PTPRA: variants seen among roughly 807,000 people sequenced by gnomAD.
PTPRA encodes receptor-type tyrosine-protein phosphatase alpha.
Under a neutral mutation model 104.8 loss-of-function variants are expected in PTPRA, and 25 were observed. That is an observed-to-expected ratio of 0.24 (90% CI 0.17 to 0.33). The LOEUF (loss-of-function observed/expected upper bound fraction) is 0.33. Among genes scored for constraint, PTPRA ranks in the 10% least tolerant of loss-of-function variants. The pLI, the probability that PTPRA is intolerant of heterozygous loss-of-function variation, is 1.00. For synonymous variants in PTPRA, 323 were observed against 368.9 expected (o/e 0.88, Z 1.43); for missense variants, 765 against 1,015.3 (o/e 0.75, Z 3.35).
chr20:2,964,399 C>T (rs762937450), intron 4 of PTPRA, 49 bp downstream of exon 4: 1 of 1,449,280 alleles, frequency 6.9e-7, no homozygotes, highest in South Asian at 1.2e-5. Flanking sequence ...ATTTTGCTTT[C>T]ACATTTAATG....
intron 1 of PTPRA, among the ~76,000 whole-genome samples, chr20:2,919,747 A>C (rs1425683070): frequency 6.6e-6 from 1 of 152,064 alleles, no homozygotes; most frequent in Admixed American, 6.6e-5. Flanking sequence ...TCTAGGGCTA[A>C]GGGAAAGAAA....
intron 2 of PTPRA, among the ~76,000 whole-genome samples, chr20:2,946,990 G>A (rs577739793): frequency 6.6e-6 from 1 of 152,124 alleles, no homozygotes; most frequent in Non-Finnish European, 1.5e-5. Flanking sequence ...AGAAAGGAGG[G>A]TGAGAAGATG....
intron 6 of PTPRA, among the ~76,000 whole-genome samples, chr20:2,982,311 A>C (rs2062710984): frequency 6.6e-6 from 1 of 150,894 alleles, no homozygotes; most frequent in Non-Finnish European, 1.5e-5. Flanking sequence ...CTGGTCTTGA[A>C]CTCCTGACCT....
At chr20:2,982,956 C>T (rs2062749050) in intron 6 of PTPRA, among the ~76,000 whole-genome samples, 1 of 152,196 alleles carries the variant, frequency 6.6e-6, no homozygotes, top group East Asian at 1.9e-4. Flanking sequence ...CCTCGGCTTC[C>T]CAAAGTGCTG....
chr20:2,864,551 G>A, the PTPRA span: 2 of 1,614,164 alleles, frequency 1.2e-6, no homozygotes, highest in Middle Eastern at 1.6e-4. The surrounding 1 kb of genome is among the most constrained non-coding windows in gnomAD (Gnocchi z 5.2). Flanking sequence ...CCCCAGTTCT[G>A]TAAGCATCAG....
intron 11 of PTPRA, 47 bp from the exon 12 acceptor site, chr20:3,015,802 T>A (rs769116021): frequency 6.8e-7 from 1 of 1,463,812 alleles, no homozygotes; most frequent in Non-Finnish European, 9.5e-7. Context: ...TCATTTCTAT[T>A]CATTTTTGGT....
intron 11 of PTPRA, among the ~76,000 whole-genome samples, chr20:3,014,596 A>T (rs1600255293): frequency 6.6e-6 from 1 of 151,870 alleles, no homozygotes; most frequent in African/African-American, 2.4e-5. Context: ...GTGAGCCAAG[A>T]TCGCACCACT....
At chr20:3,007,463 T>C in intron 11 of PTPRA, 43 bp downstream of exon 11, 1 of 1,564,988 alleles carries the variant, frequency 6.4e-7, no homozygotes. Flanking sequence ...TGCCTGACCA[T>C]TGCCACTATC....
At position 3,035,753 on chromosome 20, in the gene PTPRA, G is replaced by T. The variant is rs376577044; in HGVS notation, c.2047-37G>T. The T allele has an allele frequency of 6.2e-7, 1 of 1,614,190 alleles. No individual in the cohort carries two copies. Among genetic ancestry groups the T allele is most frequent in the South Asian group, 1.1e-5 (1 of 91,086 alleles). ...TGGACTCTGCCCACAGGAAAAGCAGGGTTACCCCTGCCTCCCTGATCCCCT... is the reference window on the plus strand; with the variant it reads ...TGGACTCTGCCCACAGGAAAAGCAGTGTTACCCCTGCCTCCCTGATCCCCT... On this transcript the variant is annotated intron_variant, in intron 21 of 23. Coordinates refer to ENST00000399903, the MANE Select transcript of PTPRA (RefSeq NM_001385305.1). This position sits in a 1 kb window ranked among gnomAD's most constrained non-coding sequence, Gnocchi z 5.8.
Position 2,940,005 on chromosome 20 carries a change from G to T in PTPRA, c.-49-7977G>T, listed in dbSNP as rs151089086. 6.0e-3 allele frequency among the ~76,000 whole-genome samples: 919 copies of T among 152,336 alleles called. 7 individuals are homozygous for T. Among genetic ancestry groups the T allele is most frequent in the African/African-American group, 0.021 (884 of 41,574 alleles). Reference sequence around the variant, plus strand: ...GACGCCTGTAATCCCAGCTACTTGGGAGGCTCAGATAGGAGAATCGTTTGA... The same window carrying T: ...GACGCCTGTAATCCCAGCTACTTGGTAGGCTCAGATAGGAGAATCGTTTGA... On this transcript the variant is annotated intron_variant, in intron 2 of 23. Transcript: ENST00000399903.
rs78893479 is a variant in PTPRA, at chr20:2,988,502, C to T, written c.738+28C>T. 2.7e-4 allele frequency: 442 copies of T among 1,607,346 alleles called. 1 individual carries two copies. In the African/African-American group the frequency reaches 5.5e-3, roughly 20 times the overall value. ...GAGTACTTTGTTGAGGCTGGTGTAT[C>T]AGCAGGGAAGAAGGCAGACCTAAAG... On this transcript the variant is annotated intron_variant, in intron 9 of 23. Transcript: ENST00000399903.
chr20:3,001,223 G>A (rs1055248975), intron 9 of PTPRA, among the ~76,000 whole-genome samples: 4 of 152,202 alleles, frequency 2.6e-5, no homozygotes, highest in African/African-American at 7.2e-5. Context: ...GTTTTCATCC[G>A]TGACGCAGGC....
At chr20:2,929,584 G>C (rs775757414) in intron 2 of PTPRA, among the ~76,000 whole-genome samples, 1 of 152,126 alleles carries the variant, frequency 6.6e-6, no homozygotes, top group Non-Finnish European at 1.5e-5. Context: ...TAGTACTTTG[G>C]GTGGCTGAGG....
intron 9 of PTPRA, among the ~76,000 whole-genome samples, chr20:2,995,036 A>G (rs568388929): frequency 2.4e-4 from 37 of 152,332 alleles, no homozygotes; most frequent in South Asian, 1.7e-3. Context: ...AGGCTGAGGC[A>G]GGAGAATCGC....
rs769842033 is a variant in PTPRA at position 2,923,628 on chromosome 20, A to G, written c.-50+343A>G. Among the ~76,000 whole-genome samples the G allele has an allele frequency of 1.4e-4, 21 of 151,912 alleles. 1 individual carries two copies. The highest frequency in any genetic ancestry group is 3.1e-4 in the Non-Finnish European group (21 of 67,988). ...AGCCTGGCCAACATGGTGAAACCCC[A>G]TCTCTACCAAAAATACAAAAATTAG... On this transcript the variant is annotated intron_variant, in intron 2 of 23. Transcript: ENST00000399903.
chr20:3,020,234 G>A (rs1185240883), intron 13 of PTPRA, among the ~76,000 whole-genome samples: 4 of 152,064 alleles, frequency 2.6e-5, no homozygotes, highest in African/African-American at 9.7e-5. Context: ...TCAGCCTCCC[G>A]AGTACCACCC....
intron 2 of PTPRA, among the ~76,000 whole-genome samples, chr20:2,930,477 T>A (rs2060465935): frequency 6.6e-6 from 1 of 152,178 alleles, no homozygotes; most frequent in Non-Finnish European, 1.5e-5. Context: ...CCAAACAAAG[T>A]ACCATAAACT....
intron 9 of PTPRA, among the ~76,000 whole-genome samples, chr20:2,995,788 A>G (rs1357970511): frequency 6.6e-6 from 1 of 152,154 alleles, no homozygotes; most frequent in Non-Finnish European, 1.5e-5. Context: ...TGAGCATTTG[A>G]TATTGGAGCT....
At chr20:2,916,997 G>GCA (rs2059927286) in intron 1 of PTPRA, among the ~76,000 whole-genome samples, 1 of 115,044 alleles carries the variant, frequency 8.7e-6, no homozygotes, top group African/African-American at 3.6e-5. Context: ...TCCCTCTATT[G>GCA]CCCAGGCTGG....
Sources: allele counts gnomAD v4.1 joint callset (sites outside exome capture counted in the v4.1 genomes callset), GRCh38; gene constraint gnomAD v4.1.1; non-coding constraint Gnocchi (gnomAD v3.1); transcripts MANE v1.5; gene names NCBI Gene and HGNC (gene_info 2026-07-23, HGNC 2026-07-21).